Variants in MON2 observed in about 807,000 individuals in gnomAD.
MON2 encodes MON2 regulator of endosome-to-Golgi trafficking.
Under a neutral mutation model 208.6 loss-of-function variants are expected in MON2, and 84 were observed. The observed-to-expected ratio is 0.40, with a 90% CI of 0.34 to 0.48. The LOEUF is 0.48. Ranked by LOEUF, MON2 falls within the 20% of genes least tolerant of loss-of-function variation. The probability of loss-of-function intolerance (pLI) is 0.59; values close to 1 mark genes in which losing one functional copy is unlikely to be tolerated. For synonymous variants in MON2, 660 were observed against 694.0 expected (o/e 0.95, Z 0.77); for missense variants, 1,611 against 2,015.4 (o/e 0.80, Z 3.84).
chr12:62,522,874 A>G (rs953569881), intron 8 of MON2, among the ~76,000 whole-genome samples: 18 of 152,324 alleles, frequency 1.2e-4, no homozygotes, highest in South Asian at 4.1e-4. Context: ...CCAAATCATA[A>G]GATTTTAGTG....
intron 25 of MON2, among the ~76,000 whole-genome samples, chr12:62,557,962 A>ATTTT (rs869193690): frequency 5.7e-4 from 12 of 20,874 alleles, no homozygotes; most frequent in East Asian, 2.3e-3. Flanking sequence ...ATATATATAT[A>ATTTT]TTTTTTTTTT....
At chr12:62,525,897 T>C in intron 10 of MON2, 52 bp from the exon 11 acceptor site, 1 of 1,555,760 alleles carries the variant, frequency 6.4e-7, no homozygotes, top group Non-Finnish European at 8.8e-7. Flanking sequence ...TACTGATTTG[T>C]AGTCAAGTAG....
At chr12:62,469,485 C>T (rs994013383) in intron 1 of MON2, among the ~76,000 whole-genome samples, 1 of 151,996 alleles carries the variant, frequency 6.6e-6, no homozygotes, top group African/African-American at 2.4e-5. Context: ...GTATATGGTA[C>T]GTGTTTATAA....
chr12:62,529,144 T>C (rs1432598993), intron 11 of MON2, among the ~76,000 whole-genome samples: 1 of 152,200 alleles, frequency 6.6e-6, no homozygotes, highest in African/African-American at 2.4e-5. Context: ...GCTAATAGCC[T>C]CCAGCTCTAG....
At chr12:62,531,253 T>C (rs994860460) in intron 11 of MON2, among the ~76,000 whole-genome samples, 1 of 152,228 alleles carries the variant, frequency 6.6e-6, no homozygotes, top group Non-Finnish European at 1.5e-5. Context: ...TTTTCCTTTG[T>C]TGCTTGTGCT....
chr12:62,550,968 G>T, intron 23 of MON2, among the ~76,000 whole-genome samples: 1 of 138,092 alleles, frequency 7.2e-6, no homozygotes, highest in African/African-American at 2.7e-5. Context: ...TACCCAGGCT[G>T]AAGTGCAGTG....
intron 6 of MON2, 72 bp from the exon 7 acceptor site, chr12:62,501,500 AG>A: frequency 6.5e-7 from 1 of 1,531,928 alleles, no homozygotes; most frequent in Non-Finnish European, 8.9e-7. Flanking sequence ...TTTTTTTTAA[AG>A]ATTTATGAAC....
Position 62,495,159 on chromosome 12 carries a change from G to C in MON2, c.435+12G>C. ...AGGCACTTTCTAAGGTAGGAAAACT[G>C]TTTGCCAGAGTTCATATGTGCTTTG... On this transcript the variant is annotated intron_variant, in intron 4 of 34. Transcript: ENST00000393630. 1.9e-6 allele frequency: 3 copies of C among 1,595,010 alleles called. No homozygotes were observed. Among genetic ancestry groups the C allele is most frequent in the Non-Finnish European group, 2.6e-6 (3 of 1,169,942 alleles).
Position 62,535,062 on chromosome 12 carries a change from C to G in MON2, c.1715+136C>G, listed in dbSNP as rs1482540754. On this transcript the variant is annotated intron_variant, in intron 13 of 34. Coordinates refer to ENST00000393630, the MANE Select transcript of MON2 (RefSeq NM_015026.3). ...ATGTGTGAAACATTATTCTTTTTCC[C>G]TCATCCCCCTTCCTCATTCTGTCCT... 4 of 635,718 alleles carry G rather than the reference C, an allele frequency of 6.3e-6. No individual in the cohort carries two copies. The African/African-American group carries it at 7.4e-5, about 12-fold the overall frequency. 39.4% of individuals were successfully genotyped at this position (635,718 alleles called of 1,614,324 possible). A position where few individuals can be genotyped will look rare whatever the true frequency, so the allele number is the denominator to read the frequency against.
chr12:62,548,306 T>C (rs1176154906), intron 22 of MON2, among the ~76,000 whole-genome samples: 1 of 152,174 alleles, frequency 6.6e-6, no homozygotes, highest in African/African-American at 2.4e-5. Context: ...GAGTGACTTC[T>C]AGATTTCTGA....
chr12:62,494,166 A>G, intron 3 of MON2, 124 bp downstream of exon 3: 3 of 877,240 alleles, frequency 3.4e-6, no homozygotes, highest in Non-Finnish European at 4.9e-6. Context: ...CTCGGAGAAA[A>G]TGGCTTTATT....
chr12:62,528,766 G>A (rs1592310023), intron 11 of MON2, among the ~76,000 whole-genome samples: 1 of 152,084 alleles, frequency 6.6e-6, no homozygotes, highest in African/African-American at 2.4e-5. Context: ...ATTTATTTAC[G>A]ATGTGGCTCT....
At chr12:62,547,143 C>A in intron 22 of MON2, 71 bp downstream of exon 22, 1 of 1,072,616 alleles carries the variant, frequency 9.3e-7, no homozygotes. Context: ...AAATTAACAT[C>A]AAAAAAGTGA....
At chr12:62,558,889 G>C (rs1265842993) in intron 25 of MON2, among the ~76,000 whole-genome samples, 1 of 151,924 alleles carries the variant, frequency 6.6e-6, no homozygotes, top group Non-Finnish European at 1.5e-5. Flanking sequence ...GTCGAGACAG[G>C]GTTTCATCAT....
At position 62,495,028 on chromosome 12, in the gene MON2, A is replaced by G. The variant is rs1226971029; in HGVS notation, c.316A>G (p.Asn106Asp). 4 of 1,606,692 alleles carry G rather than the reference A, an allele frequency of 2.5e-6. No individual in the cohort carries two copies. The highest frequency in any genetic ancestry group is 3.4e-6 in the Non-Finnish European group (4 of 1,175,286). Residue 106 changes from asparagine to aspartate, a missense_variant, in exon 4 of 35, where the codon AAT (asparagine) becomes GAT (aspartate). Physicochemically the swap from Asn to Asp is conservative, Grantham distance 23. Transcript: ENST00000393630. The part of the protein sequence containing the change: ...HEVVSETAAG[N>D]IINMLWQLME... ...AACTATTTTACAGACTGCAGCTGGAAATATAATTAACATGCTTTGGCAGCT... is the reference window on the plus strand; with the variant it reads ...AACTATTTTACAGACTGCAGCTGGAGATATAATTAACATGCTTTGGCAGCT...
intron 25 of MON2, 125 bp from the exon 26 acceptor site, chr12:62,560,366 T>C: frequency 1.1e-6 from 1 of 935,956 alleles, no homozygotes; most frequent in Non-Finnish European, 1.6e-6. Context: ...TACCTAGTCA[T>C]ATATTTTCCA....
In MON2 at chr12:62,578,502, C is replaced by T. The variant is rs143056389; in HGVS notation, c.4572C>T (p.Val1524=). Residue 1524 remains valine, a synonymous_variant, in exon 31 of 35, where the codon GTC becomes GTT. Coordinates refer to ENST00000393630, the MANE Select transcript of MON2 (RefSeq NM_015026.3). ...TTCAAAGAAATGAAAATATTGATGT[C>T]GAGGTAAGGAGGCTATTTAAAATGT... The part of the protein sequence containing the change: ...QEFQRNENID[V]EVVQLISNEI... 1.7e-4 allele frequency: 256 copies of T among 1,493,416 alleles called. 1 individual carries two copies. Among genetic ancestry groups the T allele is most frequent in the South Asian group, 1.4e-4 (11 of 80,072 alleles). 92.5% of individuals were successfully genotyped at this position (1,493,416 alleles called of 1,614,324 possible).
chr12:62,555,107 T>C (rs1243801456), intron 24 of MON2, among the ~76,000 whole-genome samples: 1 of 152,104 alleles, frequency 6.6e-6, no homozygotes, highest in African/African-American at 2.4e-5. Context: ...GCTTTGTTCT[T>C]TTCTTATACA....
At chr12:62,494,159 G>A (rs753406703) in intron 3 of MON2, 117 bp downstream of exon 3, 19 of 903,228 alleles carry the variant, frequency 2.1e-5, no homozygotes, top group Non-Finnish European at 2.8e-5. Context: ...CAATGTGCTC[G>A]GAGAAAATGG....
Sources: allele counts gnomAD v4.1 joint callset (sites outside exome capture counted in the v4.1 genomes callset), GRCh38; gene constraint gnomAD v4.1.1; transcripts MANE v1.5; gene names NCBI Gene and HGNC (gene_info 2026-07-23, HGNC 2026-07-21).